CAB39: variants seen among roughly 807,000 people sequenced by gnomAD.
CAB39 encodes calcium binding protein 39.
In CAB39, 8 loss-of-function variants were observed where a neutral mutation model predicts 40.0. The observed-to-expected ratio is 0.20, with a 90% CI of 0.12 to 0.36. The LOEUF is 0.36. Among genes scored for constraint, CAB39 ranks in the 10% least tolerant of loss-of-function variants. The pLI, the probability that CAB39 is intolerant of heterozygous loss-of-function variation, is 1.00. For synonymous variants in CAB39, 156 were observed against 141.6 expected (o/e 1.10, Z -0.72); for missense variants, 270 against 401.1 (o/e 0.67, Z 2.79).
rs371657461 is a variant in CAB39 at position 230,760,030 on chromosome 2, A to G, written c.29A>G (p.Lys10Arg). The G allele has an allele frequency of 2.9e-5, 46 of 1,613,392 alleles. No homozygotes were observed. The highest frequency in any genetic ancestry group is 1.3e-4 in the East Asian group (6 of 44,888). The change falls in exon 2 of 9, where the codon AAA becomes AGA. Residue 10 changes from lysine to arginine, a missense_variant. Physicochemically the swap from Lys to Arg is conservative, Grantham distance 26. Transcript: ENST00000258418. MPFPFGKSH[K>R]SPADIVKNLK... The stretch of plus-strand genomic sequence containing the variant: ...CCGTTCCCGTTTGGGAAGTCTCACA[A>G]ATCTCCAGCAGACATTGTGAAGAAT...
At chr2:230,774,270 G>A (rs889352542) in intron 2 of CAB39, among the ~76,000 whole-genome samples, 3 of 151,944 alleles carry the variant, frequency 2.0e-5, no homozygotes, top group Non-Finnish European at 2.9e-5. Context: ...TAACATTTGA[G>A]TGTTTATTCC....
rs1695923531 is a variant in CAB39, at chr2:230,793,342, T to C, written c.398+11T>C. 2.3e-6 allele frequency: 3 copies of C among 1,317,588 alleles called. No homozygotes were observed. Among genetic ancestry groups the C allele is most frequent in the Middle Eastern group, 1.9e-4 (1 of 5,308 alleles). The allele number at this position is 1,317,588 out of a possible 1,614,324, so 81.6% of individuals were successfully genotyped here. A position where few individuals can be genotyped will look rare whatever the true frequency, so the allele number is the denominator to read the frequency against. ...CATGTTATTGAAAGGGTATGTACAATGTAATAAAATTTGTATTCTCAGTTG... is the reference window on the plus strand; with the variant it reads ...CATGTTATTGAAAGGGTATGTACAACGTAATAAAATTTGTATTCTCAGTTG... On this transcript the variant is annotated intron_variant, in intron 4 of 8. Transcript: ENST00000258418.
chr2:230,745,696 A>T (rs909379676), intron 1 of CAB39, among the ~76,000 whole-genome samples: 3 of 151,832 alleles, frequency 2.0e-5, no homozygotes, highest in African/African-American at 7.3e-5. Flanking sequence ...GTGCCATCTC[A>T]GCTCACGGCA....
At chr2:230,751,923 A>C (rs949781727) in intron 1 of CAB39, among the ~76,000 whole-genome samples, 6 of 151,586 alleles carry the variant, frequency 4.0e-5, no homozygotes, top group African/African-American at 1.5e-4. Flanking sequence ...TTAATGTTTG[A>C]ATTTTGCATA....
At chr2:230,764,687 C>T (rs928785675) in intron 2 of CAB39, among the ~76,000 whole-genome samples, 4 of 152,172 alleles carry the variant, frequency 2.6e-5, no homozygotes, top group South Asian at 2.1e-4. Flanking sequence ...TATAGTTGGT[C>T]GTTTTCCTTG....
At position 230,773,310 on chromosome 2, in the gene CAB39, A is replaced by ATGTGTGTG. The variant is rs772464376; in HGVS notation, c.114+13196_114+13197insGTGTGTGT. 3.9e-3 allele frequency among the ~76,000 whole-genome samples: 331 copies of ATGTGTGTG among 84,466 alleles called. 2 individuals are homozygous for ATGTGTGTG. Among genetic ancestry groups the ATGTGTGTG allele is most frequent in the African/African-American group, 0.016 (272 of 17,264 alleles). 55.4% of individuals were successfully genotyped at this position (84,466 alleles called of 152,430 possible). A position where few individuals can be genotyped will look rare whatever the true frequency, so the allele number is the denominator to read the frequency against. On this transcript the variant is annotated intron_variant, in intron 2 of 8. Coordinates refer to ENST00000258418, the MANE Select transcript of CAB39 (RefSeq NM_016289.4). ...CATGGGTGTATGTGTATATATATATATATATGTGTGTGTGTGTGTGTGTGT... is the reference window on the plus strand; with the variant it reads ...CATGGGTGTATGTGTATATATATATATGTGTGTGTATATGTGTGTGTGTGTGTGTGTGT...
chr2:230,714,493 C>A (rs925053752), intron 1 of CAB39, among the ~76,000 whole-genome samples: 5 of 152,214 alleles, frequency 3.3e-5, no homozygotes, highest in African/African-American at 1.2e-4. Flanking sequence ...ATAAGCTCAT[C>A]TGCACACAGA....
intron 2 of CAB39, among the ~76,000 whole-genome samples, chr2:230,762,369 A>G (rs1695310782): frequency 1.3e-5 from 2 of 152,232 alleles, no homozygotes; most frequent in Admixed American, 1.3e-4. Context: ...CTACTAACTC[A>G]GAGGGTAATA....
rs1178090583 is a variant in CAB39 at position 230,760,138 on chromosome 2, A to G, written c.114+23A>G. On this transcript the variant is annotated intron_variant, in intron 2 of 8. Transcript: ENST00000258418. The stretch of plus-strand genomic sequence containing the variant: ...AAGGTATGGATTTGGCTTTATTTAT[A>G]TTTGAAATATCTTAATTAGCAAATG... The G allele has an allele frequency of 2.8e-6, 4 of 1,419,918 alleles. No homozygotes were observed. In the South Asian group the frequency reaches 3.5e-5, roughly 12 times the overall value. The allele number at this position is 1,419,918 out of a possible 1,614,324, so 88.0% of individuals were successfully genotyped here. A position where few individuals can be genotyped will look rare whatever the true frequency, so the allele number is the denominator to read the frequency against.
chr2:230,780,693 G>A (rs1575941896), intron 2 of CAB39, among the ~76,000 whole-genome samples: 1 of 152,238 alleles, frequency 6.6e-6, no homozygotes, highest in South Asian at 2.1e-4. Context: ...TCAGGAGGCA[G>A]TGATGTCAAT....
chr2:230,757,325 A>G (rs919185275), intron 1 of CAB39, among the ~76,000 whole-genome samples: 3 of 151,812 alleles, frequency 2.0e-5, no homozygotes, highest in African/African-American at 7.3e-5. Flanking sequence ...CAAACTCCTG[A>G]CCTCAAGCAA....
chr2:230,813,546 A>T (rs996648158), intron 6 of CAB39, among the ~76,000 whole-genome samples: 2 of 152,074 alleles, frequency 1.3e-5, no homozygotes, highest in South Asian at 2.1e-4. Flanking sequence ...CTTAATTTCT[A>T]TTCCGAATTA....
chr2:230,803,290 G>T (rs1696126255), intron 5 of CAB39, among the ~76,000 whole-genome samples: 1 of 152,118 alleles, frequency 6.6e-6, no homozygotes, highest in Admixed American at 6.5e-5. Flanking sequence ...CAAACCCACA[G>T]CCAATATCAT....
chr2:230,775,441 G>T (rs1216537819), intron 2 of CAB39, among the ~76,000 whole-genome samples: 2 of 151,800 alleles, frequency 1.3e-5, no homozygotes, highest in Non-Finnish European at 2.9e-5. Flanking sequence ...TCCCCATGTT[G>T]ACCAGGATGG....
At chr2:230,761,414 G>A (rs1290192663) in intron 2 of CAB39, among the ~76,000 whole-genome samples, 2 of 152,076 alleles carry the variant, frequency 1.3e-5, no homozygotes, top group Non-Finnish European at 2.9e-5. Context: ...AATAATACCA[G>A]GCTGGAGTGT....
chr2:230,808,002 C>A lies in CAB39; in HGVS notation c.568-2261C>A, dbSNP rs150743146. Among the ~76,000 whole-genome samples the A allele has an allele frequency of 4.6e-5, 7 of 152,222 alleles. No homozygotes were observed. In the East Asian group the frequency reaches 1.3e-3, roughly 29 times the overall value. ...ACTTGAATTCCTAAGTTAACATATT[C>A]ATTTGTTATTCACCAAGATTGTCAG... On this transcript the variant is annotated intron_variant, in intron 5 of 8. Coordinates refer to ENST00000258418, the MANE Select transcript of CAB39 (RefSeq NM_016289.4).
intron 1 of CAB39, among the ~76,000 whole-genome samples, chr2:230,716,025 C>T (rs1694343241): frequency 6.6e-6 from 1 of 152,188 alleles, no homozygotes; most frequent in Non-Finnish European, 1.5e-5. Context: ...TTCAAGGCAG[C>T]TTACTTCCCT....
intron 3 of CAB39, 105 bp downstream of exon 3, chr2:230,791,141 C>T (rs1444564963): frequency 4.6e-6 from 4 of 871,754 alleles, no homozygotes; most frequent in Non-Finnish European, 6.8e-6. Flanking sequence ...GGGCTCTTGG[C>T]TCAGGGTTAC....
intron 7 of CAB39, among the ~76,000 whole-genome samples, chr2:230,816,587 G>A (rs1696405571): frequency 6.6e-6 from 1 of 152,158 alleles, no homozygotes; most frequent in Non-Finnish European, 1.5e-5. Flanking sequence ...GAAACTTCAA[G>A]TATCTAGAAC....
Sources: gnomAD v4.1 joint callset for allele counts (sites outside exome capture counted in the v4.1 genomes callset) on GRCh38, gnomAD v4.1.1 for gene constraint, MANE v1.5 for transcripts, NCBI Gene and HGNC (gene_info 2026-07-23, HGNC 2026-07-21) for gene names.